The following GRIN3A variants were observed in gnomAD, a reference collection of about 807,000 sequenced individuals.
The protein encoded by GRIN3A is glutamate ionotropic receptor NMDA type subunit 3A, also known as glutamate receptor ionotropic, NMDA 3A.
In GRIN3A, 47 loss-of-function variants were observed where a neutral mutation model predicts 92.4. The ratio of observed to expected loss-of-function variants is 0.51; its 90% CI spans 0.40 to 0.65. GRIN3A has a LOEUF of 0.65. Among genes scored for constraint, GRIN3A ranks in the 30% least tolerant of loss-of-function variants. The pLI is 0.00. For missense variants in GRIN3A, 1,324 were observed against 1,393.1 expected (o/e 0.95, Z 0.79); for synonymous variants, 527 against 540.6 (o/e 0.97, Z 0.35).
At chr9:101,736,417 C>T (rs562950279) in intron 1 of GRIN3A, among the ~76,000 whole-genome samples, 2 of 152,184 alleles carry the variant, frequency 1.3e-5, no homozygotes, top group East Asian at 1.9e-4. Flanking sequence ...TACTTGTCAA[C>T]GTTAAGTTCA....
chr9:101,621,740 C>T (rs1828558694), intron 5 of GRIN3A, among the ~76,000 whole-genome samples: 1 of 152,180 alleles, frequency 6.6e-6, no homozygotes, highest in Non-Finnish European at 1.5e-5. Context: ...CATCCTACCA[C>T]TGTCTTTTGA....
In GRIN3A at chr9:101,667,349, A is replaced by G. The variant is rs144382816; in HGVS notation, c.2352+2711T>C. On this transcript the variant is annotated intron_variant, in intron 3 of 8. Coordinates refer to ENST00000361820, the MANE Select transcript of GRIN3A (RefSeq NM_133445.3). The stretch of plus-strand genomic sequence containing the variant: ...GTCCATTTCTCCTCCCTGGACACAC[A>G]TTCTGAATTCTTACTATTCTTTAAG... Among the ~76,000 whole-genome samples, 33 of 152,036 alleles carry G rather than the reference A, an allele frequency of 2.2e-4. 1 individual carries two copies. The East Asian group carries it at 6.5e-3, about 30-fold the overall frequency.
intron 1 of GRIN3A, among the ~76,000 whole-genome samples, chr9:101,711,482 A>G (rs1442793149): frequency 1.3e-5 from 2 of 152,154 alleles, no homozygotes; most frequent in Non-Finnish European, 2.9e-5. Flanking sequence ...AGGGGAGACT[A>G]CTGTATTCCA....
At chr9:101,660,853 C>T (rs1294156763) in intron 3 of GRIN3A, among the ~76,000 whole-genome samples, 1 of 151,708 alleles carries the variant, frequency 6.6e-6, no homozygotes, top group Non-Finnish European at 1.5e-5. Flanking sequence ...TCAAACTAAT[C>T]ACGTCAGAGC....
At position 101,572,975 on chromosome 9, in the gene GRIN3A, T is replaced by G; in HGVS notation, c.*199A>C. The G allele has an allele frequency of 6.7e-6, 4 of 594,880 alleles. No individual in the cohort carries two copies. The South Asian group carries it at 7.9e-5, about 12-fold the overall frequency. The allele number at this position is 594,880 out of a possible 1,614,324, so 36.9% of individuals were successfully genotyped here. A position where few individuals can be genotyped will look rare whatever the true frequency, so the allele number is the denominator to read the frequency against. The stretch of plus-strand genomic sequence containing the variant: ...ACTAAGATTCTTGCTAGAAAAACAC[T>G]CCTACCCTGGAGACCTAGAGAGTGA... On this transcript the variant is annotated 3_prime_UTR_variant, in exon 9 of 9. Coordinates refer to ENST00000361820, the MANE Select transcript of GRIN3A (RefSeq NM_133445.3).
At chr9:101,734,805 C>G (rs937762110) in intron 1 of GRIN3A, among the ~76,000 whole-genome samples, 2 of 151,900 alleles carry the variant, frequency 1.3e-5, no homozygotes, top group African/African-American at 4.8e-5. Context: ...TTTTATTTTA[C>G]TTGGTTGTGT....
chr9:101,727,069 A>G (rs1830089560), intron 1 of GRIN3A, among the ~76,000 whole-genome samples: 2 of 152,164 alleles, frequency 1.3e-5, no homozygotes, highest in Admixed American at 1.3e-4. Flanking sequence ...CTGCAGCACA[A>G]GTAACTACAA....
intron 1 of GRIN3A, among the ~76,000 whole-genome samples, chr9:101,720,750 T>C (rs1055662747): frequency 6.6e-6 from 1 of 152,246 alleles, no homozygotes; most frequent in Non-Finnish European, 1.5e-5. Flanking sequence ...ATGATTTATA[T>C]GTATTGATTA....
intron 1 of GRIN3A, among the ~76,000 whole-genome samples, chr9:101,710,703 G>T (rs1829867269): frequency 6.6e-6 from 1 of 152,182 alleles, no homozygotes; most frequent in Non-Finnish European, 1.5e-5. Flanking sequence ...TAGAAATTTT[G>T]CCAAACAATT....
At position 101,686,966 on chromosome 9, in the gene GRIN3A, G is replaced by C. The variant is rs1354170895; in HGVS notation, c.934C>G (p.Gln312Glu). 6.2e-7 allele frequency: 1 copy of C among 1,614,216 alleles called. No individual in the cohort carries two copies. Among genetic ancestry groups the C allele is most frequent in the Admixed American group, 1.7e-5 (1 of 60,034 alleles). Residue 312 changes from glutamine to glutamate, a missense_variant, in exon 2 of 9, where the codon CAG becomes GAG. By Grantham distance (29) the Gln-to-Glu change is conservative. Coordinates refer to ENST00000361820, the MANE Select transcript of GRIN3A (RefSeq NM_133445.3). ...TTCTTAATACTCTCAAGCTGGATCT[G>C]TAGGAAGCTCAAGAGGTCCTGGGTG... ...PSTQDLLSFL[Q>E]IQLESIKNST...
intron 1 of GRIN3A, among the ~76,000 whole-genome samples, chr9:101,693,291 G>A (rs1053003127): frequency 6.7e-6 from 1 of 150,342 alleles, no homozygotes; most frequent in Non-Finnish European, 1.5e-5. Context: ...GGGGTCACAC[G>A]TGCCTGTAAT....
intron 1 of GRIN3A, among the ~76,000 whole-genome samples, chr9:101,734,181 C>T (rs946956229): frequency 6.6e-6 from 1 of 152,020 alleles, no homozygotes; most frequent in African/African-American, 2.4e-5. Context: ...TACACAAAAC[C>T]TGTAGAAGAA....
At chr9:101,698,362 T>A (rs1276521771) in intron 1 of GRIN3A, among the ~76,000 whole-genome samples, 2 of 152,200 alleles carry the variant, frequency 1.3e-5, no homozygotes, top group African/African-American at 4.8e-5. Context: ...TTACATTTCC[T>A]AGAGTAGTCC....
At chr9:101,590,014 CTTTAAAGGTTTTATTTAAAA>C (rs1188830678) in intron 6 of GRIN3A, among the ~76,000 whole-genome samples, 3 of 152,266 alleles carry the variant, frequency 2.0e-5, no homozygotes, top group Admixed American at 6.5e-5. Flanking sequence ...TATTTAAAAT[CTTTAAAGGTTTTATTTAAAA>C]TATTGGTAAT....
chr9:101,576,288 C>T lies in GRIN3A; in HGVS notation c.3008+1480G>A, dbSNP rs1243623627. Among the ~76,000 whole-genome samples the T allele has an allele frequency of 7.2e-5, 11 of 152,200 alleles. No individual in the cohort carries two copies. In the South Asian group the frequency reaches 1.5e-3, roughly 20 times the overall value. ...ACTGGACTATTCCAAAGAGACATGA[C>T]GGCTATGGTACGCCAAACACTCATT... On this transcript the variant is annotated intron_variant, in intron 8 of 8. Transcript: ENST00000361820.
chr9:101,613,619 C>CA (rs1472363534), intron 5 of GRIN3A, 92 bp from the exon 6 acceptor site: 4 of 1,202,122 alleles, frequency 3.3e-6, no homozygotes, highest in African/African-American at 3.0e-5. Context: ...GCCATCAGAC[C>CA]AAAAAAAGGG....
At position 101,666,198 on chromosome 9, in the gene GRIN3A, A is replaced by G. The variant is rs1222001886; in HGVS notation, c.2352+3862T>C. Reference sequence around the variant, plus strand: ...TATCACCTTCTCCCCTGGGGATCGCATACTCCCCTAGGGCTTTAATAAACA... The same window carrying G: ...TATCACCTTCTCCCCTGGGGATCGCGTACTCCCCTAGGGCTTTAATAAACA... On this transcript the variant is annotated intron_variant, in intron 3 of 8. Transcript: ENST00000361820. 4.6e-5 allele frequency among the ~76,000 whole-genome samples: 7 copies of G among 151,990 alleles called. No homozygotes were observed. The East Asian group carries it at 1.2e-3, about 25-fold the overall frequency.
intron 1 of GRIN3A, among the ~76,000 whole-genome samples, chr9:101,714,540 C>T (rs1829920660): frequency 6.6e-6 from 1 of 152,098 alleles, no homozygotes; most frequent in Non-Finnish European, 1.5e-5. Context: ...TTCCTATTGT[C>T]CCCTGTAGTT....
At chr9:101,642,218 C>T (rs545872774) in intron 3 of GRIN3A, among the ~76,000 whole-genome samples, 20 of 152,146 alleles carry the variant, frequency 1.3e-4, no homozygotes, top group African/African-American at 4.8e-4. Context: ...CAGGAATACA[C>T]AATAGTGAAA....
Sources: gnomAD v4.1 joint callset for allele counts (sites outside exome capture counted in the v4.1 genomes callset) on GRCh38, gnomAD v4.1.1 for gene constraint, MANE v1.5 for transcripts, NCBI Gene and HGNC (gene_info 2026-07-23, HGNC 2026-07-21) for gene names.